Variants in DOCK2 observed in about 807,000 individuals in gnomAD.
The protein encoded by DOCK2 is dedicator of cytokinesis 2.
A neutral mutation model predicts 248.9 loss-of-function variants in DOCK2; 87 were observed. The observed-to-expected ratio is 0.35, with a 90% confidence interval of 0.29 to 0.42. DOCK2 has a LOEUF of 0.42. Ranked by LOEUF, DOCK2 falls within the 10% of genes least tolerant of loss-of-function variation. The pLI, the probability that DOCK2 is intolerant of heterozygous loss-of-function variation, is 1.00. For synonymous variants in DOCK2, 805 were observed against 821.6 expected, an observed-to-expected ratio of 0.98 and a Z score of 0.35; for missense variants, 1,747 against 2,300.2, an observed-to-expected ratio of 0.76 and a Z score of 4.92.
intron 22 of DOCK2, among the ~76,000 whole-genome samples, chr5:169,722,982 G>T (rs755596547): frequency 2.6e-5 from 4 of 152,140 alleles, no homozygotes; most frequent in Admixed American, 1.3e-4. Flanking sequence ...GCCCTCACTG[G>T]GTGGTCCTGA....
At chr5:170,047,738 C>G in intron 40 of DOCK2, 124 bp downstream of exon 40, 1 of 782,536 alleles carries the variant, frequency 1.3e-6, no homozygotes, top group Non-Finnish European at 2.0e-6. Context: ...CTGAGTGCTG[C>G]CCCCATCCCC....
Position 169,985,962 on chromosome 5 carries a change from C to A in DOCK2, c.2993+40C>A, listed in dbSNP as rs373988351. ...GCTTCCGCAAAGCTACCTTACCCAG[C>A]CCTCACTTCAAAGATCACTTATTTT... On this transcript the variant is annotated intron_variant, in intron 29 of 51. Transcript: ENST00000520908. The A allele has an allele frequency of 9.1e-6, 14 of 1,543,744 alleles. No individual in the cohort carries two copies. The East Asian group carries it at 1.2e-4, about 13-fold the overall frequency.
chr5:169,700,044 G>A lies in DOCK2; in HGVS notation c.1163G>A (p.Gly388Asp). The A allele has an allele frequency of 6.2e-7, 1 of 1,614,018 alleles. No homozygotes were observed. The highest frequency in any genetic ancestry group is 8.5e-7 in the Non-Finnish European group (1 of 1,179,910). The stretch of plus-strand genomic sequence containing the variant: ...TGGGTGACCATGAAGATGCTGGTGG[G>A]TGACATCATTCAGATTCGCAAGGAC... Reference protein sequence around the residue: ...GLWVTMKMLVGDIIQIRKDYP... With the variant: ...GLWVTMKMLVDDIIQIRKDYP... Residue 388 changes from glycine (G) to aspartate (D), a missense_variant, in exon 13 of 52, where the codon GGT becomes GAT. Physicochemically the swap from Gly to Asp is moderately conservative, Grantham distance 94. Coordinates refer to ENST00000520908, the MANE Select transcript of DOCK2 (RefSeq NM_004946.3).
intron 2 of DOCK2, among the ~76,000 whole-genome samples, chr5:169,656,056 T>C (rs1265473842): frequency 1.3e-5 from 2 of 152,168 alleles, no homozygotes; most frequent in African/African-American, 2.4e-5. Flanking sequence ...GAGAATTGAA[T>C]TGGGTCTGTG....
chr5:169,901,217 A>T (rs192783803), intron 27 of DOCK2, among the ~76,000 whole-genome samples: 8 of 152,246 alleles, frequency 5.3e-5, no homozygotes, highest in Admixed American at 4.6e-4. Context: ...GCAAACGAAC[A>T]TTGTGCACAC....
chr5:169,819,678 C>T lies in DOCK2; in HGVS notation c.2703+16472C>T, dbSNP rs530096122. On this transcript the variant is annotated intron_variant, in intron 26 of 51. Transcript: ENST00000520908. The stretch of plus-strand genomic sequence containing the variant: ...GCCGAATAGGAACAGCTCCAGTCTA[C>T]ATCTCCCAGCGTGAGCGACACAGAA... 3.1e-4 allele frequency among the ~76,000 whole-genome samples: 47 copies of T among 152,320 alleles called. 1 individual carries two copies. The highest frequency in any genetic ancestry group is 3.1e-3 in the Admixed American group (47 of 15,310).
At chr5:169,951,560 A>G (rs1389885852) in intron 27 of DOCK2, among the ~76,000 whole-genome samples, 1 of 152,226 alleles carries the variant, frequency 6.6e-6, no homozygotes, top group Non-Finnish European at 1.5e-5. Context: ...CTTGGATCAC[A>G]CCCTGATCAG....
chr5:170,008,393 G>A lies in DOCK2; in HGVS notation c.3073-104G>A. The A allele has an allele frequency of 2.5e-6, 3 of 1,218,912 alleles. No homozygotes were observed. The South Asian group carries it at 3.9e-5, about 16-fold the overall frequency. 75.5% of individuals were successfully genotyped at this position (1,218,912 alleles called of 1,614,324 possible). On this transcript the variant is annotated intron_variant, in intron 30 of 51. Transcript: ENST00000520908. The stretch of plus-strand genomic sequence containing the variant: ...CAGTGGGCACAATTAAACTGGTTCG[G>A]CCTCTGTCTTCTGCCATCTTCATAA...
chr5:170,005,444 A>G (rs1003726129), intron 30 of DOCK2, among the ~76,000 whole-genome samples: 2 of 152,190 alleles, frequency 1.3e-5, no homozygotes, highest in Admixed American at 6.5e-5. Flanking sequence ...AAGACAGGGC[A>G]TACAAATACT....
chr5:169,995,270 C>T (rs533536099), intron 29 of DOCK2, among the ~76,000 whole-genome samples: 57 of 152,196 alleles, frequency 3.7e-4, no homozygotes, highest in African/African-American at 1.4e-3. Flanking sequence ...CTCAAGTGAT[C>T]CACCCACCTT....
chr5:169,659,649 G>A (rs1450522799), intron 2 of DOCK2, among the ~76,000 whole-genome samples: 1 of 152,180 alleles, frequency 6.6e-6, no homozygotes, highest in Non-Finnish European at 1.5e-5. Context: ...AACTCACATA[G>A]TTCAAGATGG....
intron 15 of DOCK2, 112 bp from the exon 16 acceptor site, chr5:169,711,823 G>C: frequency 5.5e-6 from 6 of 1,084,160 alleles, no homozygotes; most frequent in Non-Finnish European, 8.4e-6. Context: ...TTGTAAATCA[G>C]CAGGCAGCTC....
At chr5:169,699,656 A>T (rs1210374050) in intron 12 of DOCK2, among the ~76,000 whole-genome samples, 198 bp downstream of exon 12, 2 of 152,198 alleles carry the variant, frequency 1.3e-5, no homozygotes, top group Non-Finnish European at 2.9e-5. Context: ...CTGGTGCCCA[A>T]AAGCAGAGAG....
chr5:169,900,820 A>G (rs1773881230), intron 27 of DOCK2, among the ~76,000 whole-genome samples: 1 of 152,144 alleles, frequency 6.6e-6, no homozygotes. Context: ...TCCTCCTATT[A>G]CCAAGATACA....
At chr5:170,015,230 C>A (rs139697248) in intron 32 of DOCK2, among the ~76,000 whole-genome samples, 81 of 152,286 alleles carry the variant, frequency 5.3e-4, no homozygotes, top group African/African-American at 1.9e-3. Flanking sequence ...TGTGCAGGGC[C>A]CTTCGTTTGC....
At chr5:170,079,292 G>A in intron 49 of DOCK2, 146 bp downstream of exon 49, 1 of 1,153,486 alleles carries the variant, frequency 8.7e-7, no homozygotes, top group Non-Finnish European at 1.2e-6. Flanking sequence ...CACCTGAGGA[G>A]CTGAGAGGTG....
intron 27 of DOCK2, among the ~76,000 whole-genome samples, chr5:169,902,422 A>G (rs920828187): frequency 5.3e-5 from 8 of 152,200 alleles, no homozygotes; most frequent in Admixed American, 5.2e-4. Context: ...ACAGTAGTGA[A>G]TAGTCCAGCA....
At chr5:169,961,996 T>A (rs77017012) in intron 27 of DOCK2, among the ~76,000 whole-genome samples, 2,075 of 55,126 alleles carry the variant, frequency 0.038, 3 homozygotes, top group African/African-American at 0.063. Context: ...AAAAAAAAAA[T>A]GGAGAAAAAG....
rs191912120 is a variant in DOCK2, at chr5:170,034,334, C to A, written c.3468-65C>A. Reference sequence around the variant, plus strand: ...TTTTGCATGTGCTCCATCCCACCGCCCACTGGCCCCAGCACAGTCTTTCTC... The same window carrying A: ...TTTTGCATGTGCTCCATCCCACCGCACACTGGCCCCAGCACAGTCTTTCTC... On this transcript the variant is annotated intron_variant, in intron 34 of 51. Transcript: ENST00000520908. 5,798 of 1,588,100 alleles carry A rather than the reference C, an allele frequency of 3.7e-3. 19 individuals are homozygous for A. Among genetic ancestry groups the A allele is most frequent in the Middle Eastern group, 0.015 (91 of 5,942 alleles).
Sources: allele counts gnomAD v4.1 joint callset (sites outside exome capture counted in the v4.1 genomes callset), GRCh38; gene constraint gnomAD v4.1.1; transcripts MANE v1.5; gene names NCBI Gene and HGNC (gene_info 2026-07-23, HGNC 2026-07-21).